The following FBXO33 variants were observed in gnomAD, a reference collection of about 807,000 sequenced individuals.
FBXO33 encodes F-box only protein 33.
FBXO33 carries 22 observed loss-of-function variants against 46.3 expected under a neutral mutation model. The observed-to-expected ratio is 0.48, with a 90% CI of 0.34 to 0.68. The LOEUF is 0.68. Among genes scored for constraint, FBXO33 ranks in the 30% least tolerant of loss-of-function variants. The probability of loss-of-function intolerance (pLI) is 0.01; values close to 1 mark genes in which losing one functional copy is unlikely to be tolerated. For synonymous variants in FBXO33, 337 were observed against 291.3 expected (o/e 1.16, Z -1.60); for missense variants, 692 against 708.8 (o/e 0.98, Z 0.27).
intron 1 of FBXO33, among the ~76,000 whole-genome samples, chr14:39,408,449 G>A (rs1434265962): frequency 2.6e-5 from 4 of 151,952 alleles, no homozygotes; most frequent in East Asian, 1.9e-4. Context: ...TGAGTTATAC[G>A]AGTTACCATA....
chr14:39,403,414 G>A (rs2075377887), intron 1 of FBXO33, among the ~76,000 whole-genome samples: 1 of 152,162 alleles, frequency 6.6e-6, no homozygotes, highest in Non-Finnish European at 1.5e-5. Flanking sequence ...TGGCCAACAT[G>A]GCAAGACCTT....
At chr14:39,426,276 C>T (rs2075513220) in intron 1 of FBXO33, among the ~76,000 whole-genome samples, 1 of 151,690 alleles carries the variant, frequency 6.6e-6, no homozygotes, top group Non-Finnish European at 1.5e-5. Context: ...TCTTACTACC[C>T]ACATCTAACT....
At chr14:39,405,996 G>C (rs1333493930) in intron 1 of FBXO33, among the ~76,000 whole-genome samples, 1 of 150,278 alleles carries the variant, frequency 6.7e-6, no homozygotes, top group Non-Finnish European at 1.5e-5. Context: ...TTCTGTTACA[G>C]AAAGGATATA....
At chr14:39,427,965 ATTATTGT>A (rs1270707357) in intron 1 of FBXO33, among the ~76,000 whole-genome samples, 1 of 152,112 alleles carries the variant, frequency 6.6e-6, no homozygotes, top group African/African-American at 2.4e-5. Flanking sequence ...AAATGTCTTT[ATTATTGT>A]TTCTTGGTAG....
intron 1 of FBXO33, among the ~76,000 whole-genome samples, chr14:39,410,414 G>C (rs141472027): frequency 6.6e-6 from 1 of 152,168 alleles, no homozygotes; most frequent in Non-Finnish European, 1.5e-5. Context: ...CTTTTAATGT[G>C]CTGTCAAATT....
At chr14:39,402,579 TAAG>T in intron 1 of FBXO33, 68 bp from the exon 2 acceptor site, 1 of 724,696 alleles carries the variant, frequency 1.4e-6, no homozygotes, top group Non-Finnish European at 1.9e-6. Context: ...ATATAAAAAA[TAAG>T]AATATGCAAA....
chr14:39,405,333 A>G (rs919985765), intron 1 of FBXO33, among the ~76,000 whole-genome samples: 2 of 152,198 alleles, frequency 1.3e-5, no homozygotes, highest in Non-Finnish European at 2.9e-5. Flanking sequence ...CTCAAGCTAC[A>G]TATCAGAGGT....
chr14:39,426,754 C>A (rs1254472288), intron 1 of FBXO33, among the ~76,000 whole-genome samples: 1 of 152,188 alleles, frequency 6.6e-6, no homozygotes, highest in African/African-American at 2.4e-5. Flanking sequence ...TTCAGATGGG[C>A]AACGCTTGTT....
At chr14:39,409,093 G>A (rs755884596) in intron 1 of FBXO33, among the ~76,000 whole-genome samples, 2 of 151,872 alleles carry the variant, frequency 1.3e-5, no homozygotes, top group Non-Finnish European at 2.9e-5. Flanking sequence ...CTTTTATTAC[G>A]ATGTCCCACT....
chr14:39,399,333 T>C lies in FBXO33; in HGVS notation c.*183A>G. The C allele has an allele frequency of 1.9e-6, 1 of 519,576 alleles. No individual in the cohort carries two copies. The highest frequency in any genetic ancestry group is 3.3e-6 in the Non-Finnish European group (1 of 305,140). 32.2% of individuals were successfully genotyped at this position (519,576 alleles called of 1,614,324 possible). ...CGTGAAAGCCCTATACATTGTCACT[T>C]TGAACTTCTAAACCAATACCCGACT... On this transcript the variant is annotated 3_prime_UTR_variant, in exon 4 of 4. Coordinates refer to ENST00000298097, the MANE Select transcript of FBXO33 (RefSeq NM_203301.4).
chr14:39,421,795 CA>C (rs2075485957), intron 1 of FBXO33, among the ~76,000 whole-genome samples: 1 of 150,574 alleles, frequency 6.6e-6, no homozygotes, highest in African/African-American at 2.4e-5. Context: ...CACACACACA[CA>C]CACACACACA....
At position 39,411,658 on chromosome 14, in the gene FBXO33, G is replaced by A. The variant is rs912833966; in HGVS notation, c.600-9147C>T. Among the ~76,000 whole-genome samples, 7 of 151,826 alleles carry A rather than the reference G, an allele frequency of 4.6e-5. No homozygotes were observed. The East Asian group carries it at 5.8e-4, about 13-fold the overall frequency. On this transcript the variant is annotated intron_variant, in intron 1 of 3. Transcript: ENST00000298097. The stretch of plus-strand genomic sequence containing the variant: ...CTGCCTCAGCCTCCCGAGTAGCTGC[G>A]ACTACAGGTGCATGCCACCATGCAC...
chr14:39,400,964 G>T (rs2075365907), intron 3 of FBXO33, among the ~76,000 whole-genome samples: 1 of 152,162 alleles, frequency 6.6e-6, no homozygotes, highest in African/African-American at 2.4e-5. Context: ...GGACAAAAAA[G>T]TAACAGGGAA....
intron 1 of FBXO33, among the ~76,000 whole-genome samples, chr14:39,417,754 C>A (rs1168271444): frequency 1.3e-5 from 2 of 152,138 alleles, no homozygotes; most frequent in Non-Finnish European, 2.9e-5. Context: ...TGGTCTTGAA[C>A]TCCTGACCTC....
chr14:39,414,248 C>T (rs919432216), intron 1 of FBXO33, among the ~76,000 whole-genome samples: 9 of 152,218 alleles, frequency 5.9e-5, no homozygotes, highest in Admixed American at 6.5e-5. Context: ...GAACCAACCT[C>T]TACTAGCTTC....
rs554185840 is a variant in FBXO33, at chr14:39,417,150, A to G, written c.599+14414T>C. 3.3e-5 allele frequency among the ~76,000 whole-genome samples: 5 copies of G among 152,352 alleles called. No individual in the cohort carries two copies. The South Asian group carries it at 1.0e-3, about 32-fold the overall frequency. On this transcript the variant is annotated intron_variant, in intron 1 of 3. Transcript: ENST00000298097. ...TTTCCCTCCTAAAGGGAAAGGTTCC[A>G]AGCCTTTTCCCAATCTTGCAGAACA...
intron 1 of FBXO33, among the ~76,000 whole-genome samples, chr14:39,428,538 G>A (rs1002932358): frequency 6.6e-6 from 1 of 152,058 alleles, no homozygotes; most frequent in African/African-American, 2.4e-5. Context: ...AAAAAGTACT[G>A]CCCCTAACAG....
Position 39,432,132 on chromosome 14 carries a change from G to T in FBXO33, c.31C>A (p.Arg11=). The T allele has an allele frequency of 2.4e-6, 3 of 1,240,510 alleles. No individual in the cohort carries two copies. Among genetic ancestry groups the T allele is most frequent in the Non-Finnish European group, 3.0e-6 (3 of 993,762 alleles). The allele number at this position is 1,240,510 out of a possible 1,614,324, so 76.8% of individuals were successfully genotyped here. Residue 11 remains arginine, a synonymous_variant, in exon 1 of 4, where the codon CGA becomes AGA. Coordinates refer to ENST00000298097, the MANE Select transcript of FBXO33 (RefSeq NM_203301.4). Reference sequence around the variant, plus strand: ...GCTCGGGTTCGAGCTCCCGGCGGTCGGGGCTGCGGCACTGACAAGAACAAC... The same window carrying T: ...GCTCGGGTTCGAGCTCCCGGCGGTCTGGGCTGCGGCACTGACAAGAACAAC... The part of the protein sequence containing the change: MLLFLSVPQP[R]PPGARTRAGA...
At chr14:39,426,612 A>G (rs1478894470) in intron 1 of FBXO33, among the ~76,000 whole-genome samples, 1 of 152,154 alleles carries the variant, frequency 6.6e-6, no homozygotes, top group Non-Finnish European at 1.5e-5. Context: ...TCATCATGGC[A>G]TCATTTTCAT....
Sources: gnomAD v4.1 joint callset for allele counts (sites outside exome capture counted in the v4.1 genomes callset) on GRCh38, gnomAD v4.1.1 for gene constraint, MANE v1.5 for transcripts, NCBI Gene and HGNC (gene_info 2026-07-23, HGNC 2026-07-21) for gene names.